The following SETD7 variants were observed in gnomAD, a reference collection of about 807,000 sequenced individuals.
SETD7 encodes the protein histone-lysine N-methyltransferase SETD7.
In SETD7, 16 loss-of-function variants were observed where a neutral mutation model predicts 41.8. The ratio of observed to expected loss-of-function variants is 0.38; its 90% CI spans 0.26 to 0.58. The LOEUF is 0.58. Among genes scored for constraint, SETD7 ranks in the 20% least tolerant of loss-of-function variants. The probability of loss-of-function intolerance (pLI) is 0.64; values close to 1 mark genes in which losing one functional copy is unlikely to be tolerated. For missense variants in SETD7, 346 were observed against 459.7 expected (o/e 0.75, Z 2.26); for synonymous variants, 163 against 169.7 (o/e 0.96, Z 0.31).
At chr4:139,498,507 T>A (rs2111107057) in intron 7 of SETD7, among the ~76,000 whole-genome samples, 1 of 152,344 alleles carries the variant, frequency 6.6e-6, no homozygotes, top group African/African-American at 2.4e-5. Flanking sequence ...TTACTCCATC[T>A]ACCTCCTACT....
intron 1 of SETD7, among the ~76,000 whole-genome samples, chr4:139,554,572 CTCAA>C (rs1217350056): frequency 1.3e-5 from 2 of 152,332 alleles, no homozygotes; most frequent in African/African-American, 2.4e-5. Context: ...TGTGGATCAA[CTCAA>C]TCAATGTATC....
At chr4:139,502,697 C>T (rs1726609189), downstream of SETD7, among the ~76,000 whole-genome samples, 1 of 152,178 alleles carries the variant, frequency 6.6e-6, no homozygotes, top group African/African-American at 2.4e-5. Context: ...CACAACCCTC[C>T]CTCTGCCACA....
chr4:139,520,071 A>G (rs1183681362), intron 6 of SETD7, among the ~76,000 whole-genome samples: 1 of 152,134 alleles, frequency 6.6e-6, no homozygotes, highest in Non-Finnish European at 1.5e-5. Context: ...TGATGGCATT[A>G]CCCCACTCTC....
downstream of SETD7, among the ~76,000 whole-genome samples, chr4:139,504,700 G>A (rs928654769): frequency 6.6e-6 from 1 of 152,058 alleles, no homozygotes; most frequent in Non-Finnish European, 1.5e-5. Context: ...TAAACCCAAA[G>A]GCAGATATTG....
At chr4:139,501,283 A>G (rs1308455773), downstream of SETD7, among the ~76,000 whole-genome samples, 1 of 152,214 alleles carries the variant, frequency 6.6e-6, no homozygotes, top group Non-Finnish European at 1.5e-5. Flanking sequence ...ATTCGTGCTG[A>G]ACTTGGATGA....
chr4:139,532,394 G>T (rs56367918), intron 3 of SETD7, among the ~76,000 whole-genome samples: 17,943 of 152,174 alleles, frequency 0.12, 1,365 homozygotes, highest in Non-Finnish European at 0.17. Flanking sequence ...AGCCAAGATC[G>T]TGCCACTGCA....
intron 7 of SETD7, among the ~76,000 whole-genome samples, chr4:139,514,388 T>C (rs926946612): frequency 1.3e-5 from 2 of 152,180 alleles, no homozygotes; most frequent in African/African-American, 4.8e-5. Flanking sequence ...AAACAGACCC[T>C]GTGTTGAATT....
downstream of SETD7, among the ~76,000 whole-genome samples, chr4:139,494,806 TCA>T (rs1444237779): frequency 6.6e-6 from 1 of 152,234 alleles, no homozygotes; most frequent in Non-Finnish European, 1.5e-5. Context: ...CGCGGTTCAC[TCA>T]CTTTCATGGA....
chr4:139,500,260 T>G (rs1726542121), intron 7 of SETD7, among the ~76,000 whole-genome samples: 1 of 152,098 alleles, frequency 6.6e-6, no homozygotes, highest in African/African-American at 2.4e-5. Flanking sequence ...GTTCAACCAC[T>G]TCTCCTCACC....
At position 139,516,674 on chromosome 4, in the gene SETD7, A is replaced by T. The variant is rs553580748; in HGVS notation, c.920+1211T>A. Among the ~76,000 whole-genome samples the T allele has an allele frequency of 1.5e-3, 226 of 152,112 alleles. 1 individual carries two copies. The highest frequency in any genetic ancestry group is 5.2e-3 in the African/African-American group (216 of 41,504). On this transcript the variant is annotated intron_variant, in intron 7 of 7. Transcript: ENST00000274031. ...TCTAAGAGGATTATTTGATTTTTTA[A>T]AAAAAAACAGCTTTGTTAATATATA...
At chr4:139,518,162 C>T (rs115955837) in intron 6 of SETD7, 120 bp from the exon 7 acceptor site, 17,499 of 1,108,888 alleles carry the variant, frequency 0.016, 201 homozygotes, top group Admixed American at 0.045. Flanking sequence ...GGGTCTCACT[C>T]TGTCACCTAG....
At chr4:139,516,672 TA>T (rs199891236) in intron 7 of SETD7, among the ~76,000 whole-genome samples, 4 of 150,694 alleles carry the variant, frequency 2.7e-5, no homozygotes, top group African/African-American at 4.9e-5. Context: ...TTTGATTTTT[TA>T]AAAAAAAACA....
intron 2 of SETD7, among the ~76,000 whole-genome samples, chr4:139,533,961 A>G (rs1358980778): frequency 6.8e-6 from 1 of 147,674 alleles, no homozygotes; most frequent in Non-Finnish European, 1.5e-5. Context: ...GTATATCTAT[A>G]TATCTATGTA....
At chr4:139,530,063 C>A (rs2111147973) in intron 3 of SETD7, among the ~76,000 whole-genome samples, 1 of 152,306 alleles carries the variant, frequency 6.6e-6, no homozygotes, top group East Asian at 1.9e-4. Context: ...GGTAGGGACA[C>A]AGTAGGTGAT....
In SETD7 at chr4:139,510,009, CA is replaced by C. The variant is rs1309937815; in HGVS notation, c.*1653del. On this transcript the variant is annotated 3_prime_UTR_variant, in exon 8 of 8. Coordinates refer to ENST00000274031, the MANE Select transcript of SETD7 (RefSeq NM_030648.4). ...CAACTCTGTCAATGTGCCCAAGGGC[CA>C]CCTGAAATGAAAGTCATGAGCAGCC... is the stretch of plus-strand genomic sequence containing the variant. The C allele has an allele frequency of 2.6e-6, 1 of 386,444 alleles. No individual in the cohort carries two copies. The highest frequency in any genetic ancestry group is 1.6e-4 in the East Asian group (1 of 6,150). 23.9% of individuals were successfully genotyped at this position (386,444 alleles called of 1,614,324 possible).
Position 139,511,419 on chromosome 4 carries a change from C to T in SETD7, c.*244G>A. On this transcript the variant is annotated 3_prime_UTR_variant, in exon 8 of 8. Coordinates refer to ENST00000274031, the MANE Select transcript of SETD7 (RefSeq NM_030648.4). ...ACTTGAACCACCAAAGAACATCACG[C>T]TGTCTTATGTCAAATGCTCGACAAT... The T allele has an allele frequency of 1.9e-6, 1 of 518,010 alleles. No individual in the cohort carries two copies. The highest frequency in any genetic ancestry group is 3.2e-6 in the Non-Finnish European group (1 of 311,342). The allele number at this position is 518,010 out of a possible 1,614,324, so 32.1% of individuals were successfully genotyped here.
chr4:139,508,000 T>A lies in SETD7; in HGVS notation c.*3663A>T, dbSNP rs1726756864. On this transcript the variant is annotated 3_prime_UTR_variant, in exon 8 of 8. Coordinates refer to ENST00000274031, the MANE Select transcript of SETD7 (RefSeq NM_030648.4). ...AAAACAGAAAATGATACCTCTACCT[T>A]CTTGGAAGATTTTAAATGCATGTTG... The A allele has an allele frequency of 1.3e-5, 2 of 152,224 alleles. No individual in the cohort carries two copies. Among genetic ancestry groups the A allele is most frequent in the Admixed American group, 1.3e-4 (2 of 15,274 alleles). 9.4% of individuals were successfully genotyped at this position (152,224 alleles called of 1,614,324 possible). A position where few individuals can be genotyped will look rare whatever the true frequency, so the allele number is the denominator to read the frequency against.
intron 2 of SETD7, among the ~76,000 whole-genome samples, chr4:139,538,512 T>G (rs2111161115): frequency 6.6e-6 from 1 of 152,214 alleles, no homozygotes. Context: ...GTATTTTTAG[T>G]AGAGATGCCT....
chr4:139,537,957 T>C (rs1205192079), intron 2 of SETD7, among the ~76,000 whole-genome samples: 2 of 152,198 alleles, frequency 1.3e-5, no homozygotes, highest in African/African-American at 2.4e-5. Flanking sequence ...CACATAGTGA[T>C]TGCTTAAATA....
Sources: gnomAD v4.1 joint callset for allele counts (sites outside exome capture counted in the v4.1 genomes callset) on GRCh38, gnomAD v4.1.1 for gene constraint, MANE v1.5 for transcripts, NCBI Gene and HGNC (gene_info 2026-07-23, HGNC 2026-07-21) for gene names.